ADAM7: variants seen among roughly 807,000 people sequenced by gnomAD.
ADAM7 encodes the protein disintegrin and metalloproteinase domain-containing protein 7.
ADAM7 carries 97 observed loss-of-function variants against 102.9 expected under a neutral mutation model. That is an observed-to-expected ratio of 0.94 (90% CI 0.80 to 1.12). The LOEUF is 1.12. Among genes scored for constraint, ADAM7 ranks in the 50% most tolerant of loss-of-function variants. ADAM7 has a pLI of 0.00. For synonymous variants in ADAM7, 334 were observed against 304.4 expected (o/e 1.10, Z -1.01); for missense variants, 991 against 908.7 (o/e 1.09, Z -1.16).
intron 7 of ADAM7, among the ~76,000 whole-genome samples, chr8:24,474,377 C>G (rs1819701701): frequency 6.6e-6 from 1 of 152,094 alleles, no homozygotes; most frequent in Admixed American, 6.5e-5. Flanking sequence ...TACTCATATA[C>G]TAGGTGAAGG....
intron 16 of ADAM7, among the ~76,000 whole-genome samples, chr8:24,496,040 T>C (rs545318698): frequency 7.1e-4 from 108 of 151,836 alleles, no homozygotes; most frequent in African/African-American, 2.3e-3. Flanking sequence ...TAGGAGAAAA[T>C]GGTTTAGTGG....
At chr8:24,466,698 C>A (rs1819437002) in intron 5 of ADAM7, 101 bp from the exon 6 acceptor site, 2 of 1,039,998 alleles carry the variant, frequency 1.9e-6, no homozygotes, top group Middle Eastern at 2.6e-4. Context: ...GTTCATGAAG[C>A]ACTGGCTTTG....
In ADAM7 at chr8:24,487,208, A is replaced by G. The variant is rs200473379; in HGVS notation, c.982A>G (p.Ile328Val). The change falls in exon 11 of 22, where the codon ATA becomes GTA. Residue 328 changes from isoleucine to valine, a missense_variant. By Grantham distance (29) the Ile-to-Val change is conservative. Transcript: ENST00000175238. ...IIKDLLPDTN[I>V]IANRMAHQLG... ...TCAGGATCTTTTACCTGACACAAAC[A>G]TAATTGCAAACAGAATGGCACATCA... The G allele has an allele frequency of 9.3e-6, 15 of 1,613,742 alleles. No individual in the cohort carries two copies. Among genetic ancestry groups the G allele is most frequent in the Non-Finnish European group, 1.2e-5 (14 of 1,179,820 alleles).
At chr8:24,506,877 C>T (rs973672825) in intron 20 of ADAM7, among the ~76,000 whole-genome samples, 1 of 152,002 alleles carries the variant, frequency 6.6e-6, no homozygotes, top group African/African-American at 2.4e-5. Context: ...CAGTAGAGCA[C>T]CTCTTACTCA....
In ADAM7 at chr8:24,500,242, C is replaced by A; in HGVS notation, c.1988C>A (p.Thr663Asn). 1 of 1,609,488 alleles carries A rather than the reference C, an allele frequency of 6.2e-7. No individual in the cohort carries two copies. The highest frequency in any genetic ancestry group is 8.5e-7 in the Non-Finnish European group (1 of 1,176,424). ...EGQAPVACEE[T>N]LHVTNITILV... Reference sequence around the variant, plus strand: ...CAGGCACCTGTAGCCTGTGAAGAAACCTTACATGTTACCAGTGAGCATCCT... The same window carrying A: ...CAGGCACCTGTAGCCTGTGAAGAAAACTTACATGTTACCAGTGAGCATCCT... The change falls in exon 18 of 22, where the codon ACC becomes AAC. Residue 663 changes from threonine (T) to asparagine (N), a missense_variant. Transcript: ENST00000175238.
At chr8:24,480,599 T>C (rs1344921253) in intron 8 of ADAM7, among the ~76,000 whole-genome samples, 2 of 152,276 alleles carry the variant, frequency 1.3e-5, no homozygotes, top group Non-Finnish European at 2.9e-5. Flanking sequence ...GAAAATATCA[T>C]CAGAAGGACA....
At chr8:24,457,854 A>ATG (rs143375543) in intron 3 of ADAM7, among the ~76,000 whole-genome samples, 5,044 of 115,112 alleles carry the variant, frequency 0.044, 130 homozygotes, top group South Asian at 0.064. Flanking sequence ...GTATGTGCAT[A>ATG]TGTGTGTGAG....
At chr8:24,501,180 A>C (rs570396357) in intron 19 of ADAM7, among the ~76,000 whole-genome samples, 2 of 152,194 alleles carry the variant, frequency 1.3e-5, no homozygotes, top group Non-Finnish European at 2.9e-5. Flanking sequence ...CTTGAGCATT[A>C]GTATTTTAAA....
chr8:24,454,395 T>C, intron 3 of ADAM7, among the ~76,000 whole-genome samples: 1 of 152,176 alleles, frequency 6.6e-6, no homozygotes, highest in Non-Finnish European at 1.5e-5. Flanking sequence ...CGCCTTGCAG[T>C]TTGATCTCAG....
intron 2 of ADAM7, among the ~76,000 whole-genome samples, chr8:24,444,843 ATAG>A (rs1197131617): frequency 6.6e-6 from 1 of 152,116 alleles, no homozygotes; most frequent in Non-Finnish European, 1.5e-5. Context: ...ACTATAATTA[ATAG>A]TAGTTTATGA....
At chr8:24,507,355 C>T (rs1820985988) in intron 20 of ADAM7, 125 bp from the exon 21 acceptor site, 1 of 670,738 alleles carries the variant, frequency 1.5e-6, no homozygotes. Context: ...TTTCATGGAG[C>T]AAGCAGAGGT....
chr8:24,469,618 TAAAA>T (rs1375421917), intron 7 of ADAM7, among the ~76,000 whole-genome samples: 1 of 151,484 alleles, frequency 6.6e-6, no homozygotes, highest in Admixed American at 6.6e-5. Context: ...TCAATCAACT[TAAAA>T]AAAAGGAAAA....
intron 10 of ADAM7, among the ~76,000 whole-genome samples, chr8:24,486,145 A>G (rs1008486184): frequency 2.0e-4 from 31 of 152,336 alleles, no homozygotes; most frequent in African/African-American, 6.5e-4. Context: ...CACGCTACTT[A>G]GATTATGCTA....
chr8:24,454,777 G>C (rs1818964716), intron 3 of ADAM7, among the ~76,000 whole-genome samples: 1 of 152,246 alleles, frequency 6.6e-6, no homozygotes, highest in Middle Eastern at 3.4e-3. Context: ...GACCGGAGCT[G>C]TTCCTATTCG....
chr8:24,462,217 G>A (rs189675688), intron 3 of ADAM7, among the ~76,000 whole-genome samples: 1 of 152,232 alleles, frequency 6.6e-6, no homozygotes, highest in East Asian at 1.9e-4. Context: ...TTTATTCTTA[G>A]CATGGCTACT....
intron 3 of ADAM7, among the ~76,000 whole-genome samples, chr8:24,456,952 C>G (rs1819057212): frequency 6.6e-6 from 1 of 152,028 alleles, no homozygotes; most frequent in Admixed American, 6.6e-5. Flanking sequence ...GTTTTCATTT[C>G]TCTTTGGTAA....
chr8:24,483,916 G>A (rs566237268), intron 9 of ADAM7, among the ~76,000 whole-genome samples: 108 of 152,306 alleles, frequency 7.1e-4, no homozygotes, highest in African/African-American at 2.3e-3. Context: ...GTCTGCAAGT[G>A]AGGAGATGGG....
chr8:24,473,103 T>C lies in ADAM7; in HGVS notation c.634-3330T>C, dbSNP rs1183996774. Among the ~76,000 whole-genome samples the C allele has an allele frequency of 2.0e-5, 3 of 152,130 alleles. No homozygotes were observed. In the East Asian group the frequency reaches 5.8e-4, roughly 29 times the overall value. On this transcript the variant is annotated intron_variant, in intron 7 of 21. Transcript: ENST00000175238. Reference sequence around the variant, plus strand: ...AAATAAAGACACCAGGAGCCTCAGATTCGTTTAGTGGCAAATTTTACCAAA... The same window carrying C: ...AAATAAAGACACCAGGAGCCTCAGACTCGTTTAGTGGCAAATTTTACCAAA...
At chr8:24,480,834 G>C (rs1310917637) in intron 8 of ADAM7, among the ~76,000 whole-genome samples, 2 of 152,004 alleles carry the variant, frequency 1.3e-5, no homozygotes, top group Admixed American at 1.3e-4. Context: ...GAGCCCAGGA[G>C]TTCAAGACTA....
Sources: gnomAD v4.1 joint callset for allele counts (sites outside exome capture counted in the v4.1 genomes callset) on GRCh38, gnomAD v4.1.1 for gene constraint, MANE v1.5 for transcripts, NCBI Gene and HGNC (gene_info 2026-07-23, HGNC 2026-07-21) for gene names.